The following ARFGEF2 variants were observed in gnomAD, a reference collection of about 807,000 sequenced individuals.
The protein encoded by ARFGEF2 is brefeldin A-inhibited guanine nucleotide-exchange protein 2.
A neutral mutation model predicts 219.9 loss-of-function variants in ARFGEF2; 74 were observed. The observed-to-expected ratio is 0.34, with a 90% CI of 0.28 to 0.41. ARFGEF2 has a LOEUF of 0.41. Among genes scored for constraint, ARFGEF2 ranks in the 10% least tolerant of loss-of-function variants. ARFGEF2 has a pLI of 1.00. For missense variants in ARFGEF2, 1,743 were observed against 2,218.3 expected (o/e 0.79, Z 4.30); for synonymous variants, 733 against 799.2 (o/e 0.92, Z 1.40).
In ARFGEF2 at chr20:49,005,454, A is replaced by G. The variant is rs113915444; in HGVS notation, c.3584+233A>G. On this transcript the variant is annotated intron_variant, in intron 26 of 38. Transcript: ENST00000371917. Reference sequence around the variant, plus strand: ...TGCAACTTGTAGAAATATGTCGTGAACCGGCTGGGCACAGTGGCTCACACC... The same window carrying G: ...TGCAACTTGTAGAAATATGTCGTGAGCCGGCTGGGCACAGTGGCTCACACC... Among the ~76,000 whole-genome samples the G allele has an allele frequency of 8.2e-3, 1,246 of 152,220 alleles. 13 individuals carry two copies. The highest frequency in any genetic ancestry group is 0.028 in the African/African-American group (1,159 of 41,546).
chr20:48,941,671 A>G (rs181187616), intron 2 of ARFGEF2, among the ~76,000 whole-genome samples, 193 bp from the exon 3 acceptor site: 6 of 152,334 alleles, frequency 3.9e-5, no homozygotes, highest in East Asian at 1.9e-4. Context: ...CAGCATGCCA[A>G]TCAGAGAACT....
At chr20:48,962,053 G>T (rs1000608664) in intron 6 of ARFGEF2, among the ~76,000 whole-genome samples, 1 of 151,710 alleles carries the variant, frequency 6.6e-6, no homozygotes, top group African/African-American at 2.4e-5. Flanking sequence ...GGTGGCTCAT[G>T]CCTGTAATCC....
At position 48,928,786 on chromosome 20, in the gene ARFGEF2, G is replaced by T. The variant is rs925800070; in HGVS notation, c.121+6776G>T. On this transcript the variant is annotated intron_variant, in intron 1 of 38. Coordinates refer to ENST00000371917, the MANE Select transcript of ARFGEF2 (RefSeq NM_006420.3). ...TGGGATTACAGGCGTGAGCCACTGCGCCCAGCCGGTGTTGCAGTCTTTAAA... is the reference window on the plus strand; with the variant it reads ...TGGGATTACAGGCGTGAGCCACTGCTCCCAGCCGGTGTTGCAGTCTTTAAA... Among the ~76,000 whole-genome samples, 5 of 152,198 alleles carry T rather than the reference G, an allele frequency of 3.3e-5. 1 individual carries two copies. The highest frequency in any genetic ancestry group is 7.3e-5 in the Non-Finnish European group (5 of 68,040).
intron 13 of ARFGEF2, among the ~76,000 whole-genome samples, chr20:48,975,120 A>C (rs1389504881): frequency 6.6e-6 from 1 of 152,072 alleles, no homozygotes; most frequent in Non-Finnish European, 1.5e-5. Context: ...TCATTCCCTC[A>C]CTGATTCAAA....
In ARFGEF2 at chr20:48,989,421, C is replaced by T. The variant is rs1426895676; in HGVS notation, c.2670C>T (p.Val890=). The change falls in exon 19 of 39, where the codon GTC becomes GTT. Residue 890 remains valine, a synonymous_variant. Coordinates refer to ENST00000371917, the MANE Select transcript of ARFGEF2 (RefSeq NM_006420.3). Reference sequence around the variant, plus strand: ...CCAGTGCCACTCACCTGGACCATGTCCGGCCAATGTTCAAAGTGAGTATCC... The same window carrying T: ...CCAGTGCCACTCACCTGGACCATGTTCGGCCAATGTTCAAAGTGAGTATCC... The part of the protein sequence containing the change: ...PFTSATHLDH[V]RPMFKLVWTP... 1.2e-6 allele frequency: 2 copies of T among 1,614,252 alleles called. No homozygotes were observed. The highest frequency in any genetic ancestry group is 1.7e-6 in the Non-Finnish European group (2 of 1,180,050).
chr20:48,999,311 T>A (rs1472734930), intron 25 of ARFGEF2: 1 of 430,416 alleles, frequency 2.3e-6, no homozygotes, highest in Non-Finnish European at 4.6e-6. Flanking sequence ...AACTGACAAC[T>A]GTTGGGAATA....
intron 34 of ARFGEF2, among the ~76,000 whole-genome samples, chr20:49,020,874 A>G (rs1340187306): frequency 1.3e-5 from 2 of 152,184 alleles, no homozygotes; most frequent in East Asian, 1.9e-4. Context: ...CTAGGACTCA[A>G]TCCACCTCCC....
chr20:49,021,964 A>G (rs988516085), intron 34 of ARFGEF2, among the ~76,000 whole-genome samples: 1 of 151,760 alleles, frequency 6.6e-6, no homozygotes, highest in Non-Finnish European at 1.5e-5. Flanking sequence ...CCTGGCTAAG[A>G]TGGCGAAACC....
intron 26 of ARFGEF2, among the ~76,000 whole-genome samples, chr20:49,007,848 G>A (rs1209749502): frequency 1.3e-5 from 2 of 152,070 alleles, no homozygotes; most frequent in African/African-American, 4.8e-5. Context: ...GAGAGTGCCT[G>A]AGGAGACTGA....
chr20:49,011,893 C>A, intron 27 of ARFGEF2, 31 bp from the exon 28 acceptor site: 1 of 1,613,820 alleles, frequency 6.2e-7, no homozygotes, highest in Non-Finnish European at 8.5e-7. Flanking sequence ...AAATCCTGGT[C>A]TTATGAAAAA....
chr20:49,029,159 C>T (rs559904687), intron 37 of ARFGEF2, among the ~76,000 whole-genome samples: 9 of 152,270 alleles, frequency 5.9e-5, no homozygotes, highest in African/African-American at 2.2e-4. Context: ...GAGTGGAATA[C>T]TGATGAGGAA....
At chr20:48,989,854 G>T (rs1381063738) in intron 20 of ARFGEF2, among the ~76,000 whole-genome samples, 170 bp downstream of exon 20, 1 of 152,152 alleles carries the variant, frequency 6.6e-6, no homozygotes, top group African/African-American at 2.4e-5. Flanking sequence ...CTCGTTAGGG[G>T]CAAAAATGGA....
intron 25 of ARFGEF2, among the ~76,000 whole-genome samples, chr20:49,000,849 G>C (rs192967050): frequency 3.2e-4 from 49 of 152,264 alleles, no homozygotes; most frequent in Middle Eastern, 6.8e-3. Flanking sequence ...ACATCAGTTT[G>C]CTCAAGTTAC....
chr20:48,985,013 G>A, intron 15 of ARFGEF2, 173 bp downstream of exon 15: 2 of 694,174 alleles, frequency 2.9e-6, no homozygotes, highest in South Asian at 1.3e-4. Flanking sequence ...GTATCCCGTT[G>A]GCTAGTGTTG....
intron 1 of ARFGEF2, among the ~76,000 whole-genome samples, chr20:48,923,073 A>G (rs946463796): frequency 6.6e-6 from 1 of 152,174 alleles, no homozygotes; most frequent in Non-Finnish European, 1.5e-5. Flanking sequence ...CAGGAAAGTA[A>G]TCTTTTCCAA....
intron 3 of ARFGEF2, among the ~76,000 whole-genome samples, chr20:48,950,809 AAAAT>A (rs1449916321): frequency 1.2e-3 from 49 of 41,138 alleles, no homozygotes; most frequent in African/African-American, 3.4e-3. Flanking sequence ...AAAAAAAAAA[AAAAT>A]ATATATATAT....
In ARFGEF2 at chr20:48,921,873, C is replaced by G; in HGVS notation, c.-17C>G. On this transcript the variant is annotated 5_prime_UTR_variant, in exon 1 of 39. Transcript: ENST00000371917. The stretch of plus-strand genomic sequence containing the variant: ...CCGCCCGCCCGCGGGGCCGTCAGCC[C>G]CCGCCGGGCCGGGGCCATGCAGGAG... 2 of 1,523,572 alleles carry G rather than the reference C, an allele frequency of 1.3e-6. No individual in the cohort carries two copies. The highest frequency in any genetic ancestry group is 1.7e-4 in the Middle Eastern group (1 of 5,842). The allele number at this position is 1,523,572 out of a possible 1,614,324, so 94.4% of individuals were successfully genotyped here.
In ARFGEF2 at chr20:48,989,665, C is replaced by T. The variant is rs1326579827; in HGVS notation, c.2795C>T (p.Ala932Val). ...GGCATCCGATGTGCAATCCGAATCG[C>T]CTGCATCTTTGGAATGCAGGTAGGT... ...LEGIRCAIRI[A>V]CIFGMQLERD... Residue 932 changes from alanine to valine, a missense_variant, in exon 20 of 39, where the codon GCC becomes GTC. By Grantham distance (64) the Ala-to-Val change is moderately conservative. Transcript: ENST00000371917. 3 of 1,614,180 alleles carry T rather than the reference C, an allele frequency of 1.9e-6. No individual in the cohort carries two copies. Among genetic ancestry groups the T allele is most frequent in the Non-Finnish European group, 2.5e-6 (3 of 1,180,028 alleles).
At chr20:49,025,843 G>A (rs1167466579) in intron 36 of ARFGEF2, among the ~76,000 whole-genome samples, 4 of 152,054 alleles carry the variant, frequency 2.6e-5, no homozygotes, top group African/African-American at 4.8e-5. Flanking sequence ...TTAGCCAGGT[G>A]TGGTGGTGCA....
Sources: gnomAD v4.1 joint callset for allele counts (sites outside exome capture counted in the v4.1 genomes callset) on GRCh38, gnomAD v4.1.1 for gene constraint, MANE v1.5 for transcripts, NCBI Gene and HGNC (gene_info 2026-07-23, HGNC 2026-07-21) for gene names.